Variants in ZNF274 observed in about 807,000 individuals in gnomAD.
The protein encoded by ZNF274 is neurotrophin receptor-interacting factor homolog.
In ZNF274, 23 loss-of-function variants were observed where a neutral mutation model predicts 42.5. The observed-to-expected ratio is 0.54, with a 90% confidence interval of 0.39 to 0.77. The LOEUF is 0.77. ZNF274 is among the 30% of genes least tolerant of loss of function. The pLI is 0.00. For synonymous variants in ZNF274, 292 were observed against 305.4 expected, an observed-to-expected ratio of 0.96 and a Z score of 0.46; for missense variants, 679 against 806.5, an observed-to-expected ratio of 0.84 and a Z score of 1.91.
At chr19:58,185,555 T>G in intron 2 of ZNF274, 157 bp from the exon 3 acceptor site, 1 of 677,248 alleles carries the variant, frequency 1.5e-6, no homozygotes, top group Non-Finnish European at 2.2e-6. Context: ...TGCTTGGGGT[T>G]TCAGACAAAG....
At chr19:58,198,532 T>C (rs2075870797) in intron 4 of ZNF274, among the ~76,000 whole-genome samples, 1 of 152,108 alleles carries the variant, frequency 6.6e-6, no homozygotes, top group Admixed American at 6.6e-5. Flanking sequence ...CACACAAACA[T>C]GGTTGTGTGT....
Position 58,185,879 on chromosome 19 carries a change from A to G in ZNF274, c.160+41A>G, listed in dbSNP as rs183888579. Reference sequence around the variant, plus strand: ...AGGTCAAGAAGGATCTGTGCTTTGTAGCACAAATGTAGCACCTCTGAAGTA... The same window carrying G: ...AGGTCAAGAAGGATCTGTGCTTTGTGGCACAAATGTAGCACCTCTGAAGTA... On this transcript the variant is annotated intron_variant, in intron 3 of 7. Coordinates refer to ENST00000617501, the MANE Select transcript of ZNF274 (RefSeq NM_133502.3). The G allele has an allele frequency of 1.2e-5, 16 of 1,332,454 alleles. No individual in the cohort carries two copies. In the Admixed American group the frequency reaches 4.5e-4, roughly 37 times the overall value. 82.5% of individuals were successfully genotyped at this position (1,332,454 alleles called of 1,614,324 possible). A position where few individuals can be genotyped will look rare whatever the true frequency, so the allele number is the denominator to read the frequency against.
chr19:58,198,130 G>T (rs1418678968), intron 4 of ZNF274, among the ~76,000 whole-genome samples: 3 of 152,068 alleles, frequency 2.0e-5, no homozygotes, highest in African/African-American at 7.2e-5. Flanking sequence ...AAAAAAAGAA[G>T]AATAAATGAG....
chr19:58,183,955 A>G lies in ZNF274; in HGVS notation c.-11A>G. On this transcript the variant is annotated 5_prime_UTR_variant, in exon 2 of 8. Coordinates refer to ENST00000617501, the MANE Select transcript of ZNF274 (RefSeq NM_133502.3). ...CACTTCCACCAGAGACACATTGAGA[A>G]GGAGGAAACTATGGCCTCCAGGCTT... 1 of 1,594,014 alleles carries G rather than the reference A, an allele frequency of 6.3e-7. No individual in the cohort carries two copies. The highest frequency in any genetic ancestry group is 8.5e-7 in the Non-Finnish European group (1 of 1,170,154).
Position 58,213,110 on chromosome 19 carries a change from G to C in ZNF274, c.1929G>C (p.Arg643Ser). The C allele has an allele frequency of 1.2e-6, 2 of 1,611,950 alleles. No individual in the cohort carries two copies. The highest frequency in any genetic ancestry group is 1.7e-6 in the Non-Finnish European group (2 of 1,178,766). ...TTGGGCACCAGAGAACCCACAATAG[G>C]ACAAAGCGAAAGAAGAAACAGCCTA... is the stretch of plus-strand genomic sequence containing the variant. ...HLIGHQRTHNRTKRKKKQPTS is the reference protein window; with the variant it reads ...HLIGHQRTHNSTKRKKKQPTS The change falls in exon 8 of 8, where the codon AGG becomes AGC. Residue 643 changes from arginine (R) to serine (S), a missense_variant. Physicochemically the swap from Arg to Ser is moderately radical, Grantham distance 110 (BLOSUM62 -1). Transcript: ENST00000617501.
At chr19:58,196,403 A>T (rs940727890) in intron 4 of ZNF274, among the ~76,000 whole-genome samples, 1 of 152,234 alleles carries the variant, frequency 6.6e-6, no homozygotes, top group Non-Finnish European at 1.5e-5. Flanking sequence ...GCTACATAAA[A>T]TAGAAAAAAT....
At chr19:58,193,419 T>C (rs1331324330) in intron 4 of ZNF274, among the ~76,000 whole-genome samples, 1 of 150,118 alleles carries the variant, frequency 6.7e-6, no homozygotes, top group Non-Finnish European at 1.5e-5. Flanking sequence ...GTGCTGGGAT[T>C]ACAGGTGTGA....
chr19:58,184,088 C>G (rs963823153), intron 2 of ZNF274, 90 bp downstream of exon 2: 12 of 1,432,882 alleles, frequency 8.4e-6, no homozygotes, highest in Non-Finnish European at 1.1e-5. Flanking sequence ...CTGAGATACC[C>G]CCATCCTCCA....
At chr19:58,197,435 A>G (rs1457664180) in intron 4 of ZNF274, among the ~76,000 whole-genome samples, 2 of 152,206 alleles carry the variant, frequency 1.3e-5, no homozygotes, top group Non-Finnish European at 2.9e-5. Context: ...CCTACATAAA[A>G]CACTGATAAG....
rs1555816897 is a variant in ZNF274, at chr19:58,188,694, G to GTGTATATATATA, written c.256+1653_256+1654insGTATATATATAT. ...TGTGTGTGTATATATATATGTATATGTATATATATATATATATATATATAT... is the reference window on the plus strand; with the variant it reads ...TGTGTGTGTATATATATATGTATATGTGTATATATATATATATATATATATATATATATATAT... On this transcript the variant is annotated intron_variant, in intron 4 of 7. Coordinates refer to ENST00000617501, the MANE Select transcript of ZNF274 (RefSeq NM_133502.3). Among the ~76,000 whole-genome samples, 34 of 74,656 alleles carry GTGTATATATATA rather than the reference G, an allele frequency of 4.6e-4. 1 individual carries two copies. Among genetic ancestry groups the GTGTATATATATA allele is most frequent in the African/African-American group, 1.7e-3 (31 of 18,516 alleles). 49.0% of individuals were successfully genotyped at this position (74,656 alleles called of 152,430 possible).
At chr19:58,187,623 G>T (rs1288387589) in intron 4 of ZNF274, among the ~76,000 whole-genome samples, 1 of 152,174 alleles carries the variant, frequency 6.6e-6, no homozygotes, top group Non-Finnish European at 1.5e-5. Context: ...TCACCATGTT[G>T]CCCAGGCTGG....
At position 58,212,880 on chromosome 19, in the gene ZNF274, G is replaced by C. The variant is rs1229239907; in HGVS notation, c.1699G>C (p.Glu567Gln). The change falls in exon 8 of 8, where the codon GAG becomes CAG. Residue 567 changes from glutamate to glutamine, a missense_variant. By Grantham distance (29) the Glu-to-Gln change is conservative. Coordinates refer to ENST00000617501, the MANE Select transcript of ZNF274 (RefSeq NM_133502.3). The surrounding 1 kb of genome is among the most constrained non-coding windows in gnomAD (Gnocchi z 4.6). ...HSGERPFECQ[E>Q]CGRTFNDRSA... ...TGGAGAGAGACCATTTGAATGTCAG[G>C]AGTGTGGGAGGACCTTCAATGATCG... The C allele has an allele frequency of 1.2e-6, 2 of 1,613,926 alleles. No homozygotes were observed. Among genetic ancestry groups the C allele is most frequent in the South Asian group, 2.2e-5 (2 of 91,088 alleles).
At chr19:58,194,296 TA>T (rs1259906406) in intron 4 of ZNF274, among the ~76,000 whole-genome samples, 16 of 151,774 alleles carry the variant, frequency 1.1e-4, no homozygotes, top group Non-Finnish European at 2.2e-4. Context: ...GGATGTCTGG[TA>T]AAGACCTAGA....
At position 58,185,806 on chromosome 19, in the gene ZNF274, T is replaced by A; in HGVS notation, c.128T>A (p.Met43Lys). ...LKQKSLYREV[M>K]LENYRNLVSV... ...CAGAAGTCCCTGTACAGGGAAGTGA[T>A]GCTGGAGAACTACAGGAACCTGGTC... Residue 43 changes from methionine to lysine, a missense_variant, in exon 3 of 8, where the codon ATG (methionine) becomes AAG (lysine). Met to Lys is a moderately conservative substitution (Grantham distance 95). Around this residue, in one of 2 missense-constraint regions of ZNF274, gnomAD observed 223 missense variants for 216.4 expected, o/e 1.03. Coordinates refer to ENST00000617501, the MANE Select transcript of ZNF274 (RefSeq NM_133502.3). 7.0e-7 allele frequency: 1 copy of A among 1,422,266 alleles called. No homozygotes were observed. The highest frequency in any genetic ancestry group is 9.3e-7 in the Non-Finnish European group (1 of 1,078,190). 88.1% of individuals were successfully genotyped at this position (1,422,266 alleles called of 1,614,324 possible). A position where few individuals can be genotyped will look rare whatever the true frequency, so the allele number is the denominator to read the frequency against.
In ZNF274 at chr19:58,183,929, C is replaced by T. The variant is rs375672608; in HGVS notation, c.-37C>T. 382 of 1,580,816 alleles carry T rather than the reference C, an allele frequency of 2.4e-4. No individual in the cohort carries two copies. The highest frequency in any genetic ancestry group is 3.1e-4 in the Non-Finnish European group (361 of 1,163,128). ...AACTTCGGTTTCCTCAGGACTCTGC[C>T]CACTTCCACCAGAGACACATTGAGA... On this transcript the variant is annotated 5_prime_UTR_variant, in exon 2 of 8. Coordinates refer to ENST00000617501, the MANE Select transcript of ZNF274 (RefSeq NM_133502.3).
intron 3 of ZNF274, 46 bp downstream of exon 3, chr19:58,185,884 A>G (rs745672063): frequency 7.5e-7 from 1 of 1,328,242 alleles, no homozygotes; most frequent in Non-Finnish European, 9.7e-7. Flanking sequence ...TTTGTAGCAC[A>G]AATGTAGCAC....
intron 4 of ZNF274, among the ~76,000 whole-genome samples, chr19:58,187,911 C>T (rs772908969): frequency 6.6e-5 from 10 of 151,572 alleles, no homozygotes; most frequent in African/African-American, 9.7e-5. Flanking sequence ...TTTTTAGTAA[C>T]GGACGGTTTC....
At chr19:58,188,620 A>AAAATATAT (rs1555816813) in intron 4 of ZNF274, among the ~76,000 whole-genome samples, 1 of 70,396 alleles carries the variant, frequency 1.4e-5, no homozygotes, top group African/African-American at 9.7e-5. Context: ...AAAAAAAAAA[A>AAAATATAT]ATATATATAT....
Position 58,212,006 on chromosome 19 carries a change from G to A in ZNF274, c.980-155G>A, listed in dbSNP as rs115082279. On this transcript the variant is annotated intron_variant, in intron 7 of 7. Coordinates refer to ENST00000617501, the MANE Select transcript of ZNF274 (RefSeq NM_133502.3). This position sits in a 1 kb window ranked among gnomAD's most constrained non-coding sequence, Gnocchi z 4.6. ...CAAGGTCAGTGCTCCCCTCCCTGCC[G>A]CTTCATTGCTTTTCAGTCTCTCTCC... 2.1e-3 allele frequency among the ~76,000 whole-genome samples: 312 copies of A among 152,044 alleles called. 1 individual carries two copies. The highest frequency in any genetic ancestry group is 7.4e-3 in the African/African-American group (308 of 41,470).
Sources: allele counts gnomAD v4.1 joint callset (sites outside exome capture counted in the v4.1 genomes callset), GRCh38; gene constraint gnomAD v4.1.1; regional missense constraint gnomAD v4.1.1; non-coding constraint Gnocchi (gnomAD v3.1); transcripts MANE v1.5; gene names NCBI Gene and HGNC (gene_info 2026-07-23, HGNC 2026-07-21).